SLC6A6: variants seen among roughly 807,000 people sequenced by gnomAD.
SLC6A6 encodes the protein sodium- and chloride-dependent taurine transporter.
In SLC6A6, 16 loss-of-function variants were observed where a neutral mutation model predicts 68.8. That is an observed-to-expected ratio of 0.23 (90% CI 0.16 to 0.35). The LOEUF is 0.35. Among genes scored for constraint, SLC6A6 ranks in the 10% least tolerant of loss-of-function variants. SLC6A6 has a pLI of 1.00. For synonymous variants in SLC6A6, 312 were observed against 315.4 expected (o/e 0.99, Z 0.12); for missense variants, 474 against 802.8 (o/e 0.59, Z 4.95).
At chr3:14,451,676 T>C (rs1700253876) in intron 5 of SLC6A6, among the ~76,000 whole-genome samples, 1 of 152,206 alleles carries the variant, frequency 6.6e-6, no homozygotes, top group Admixed American at 6.5e-5. Flanking sequence ...GCTGGATGTA[T>C]GCTGAGCACT....
rs745449156 is a variant in SLC6A6 at position 14,477,184 on chromosome 3, T to G, written c.1210-21T>G. ...GCCTGAGCGTCAGCCGCTCACCAGCTCTCTCTCTTCCCCTCCTCAGTTTGT... is the reference window on the plus strand; with the variant it reads ...GCCTGAGCGTCAGCCGCTCACCAGCGCTCTCTCTTCCCCTCCTCAGTTTGT... On this transcript the variant is annotated intron_variant, in intron 10 of 14. Transcript: ENST00000622186. This position sits in a 1 kb window ranked among gnomAD's most constrained non-coding sequence, Gnocchi z 4.2. 4 of 1,603,432 alleles carry G rather than the reference T, an allele frequency of 2.5e-6. No homozygotes were observed. The Admixed American group carries it at 6.7e-5, about 27-fold the overall frequency.
chr3:14,489,081 A>T lies in SLC6A6; in HGVS notation c.*4074A>T, dbSNP rs1005951510. The stretch of plus-strand genomic sequence containing the variant: ...TTTTTAAGATATTTTAAACTTTTAT[A>T]AAAAAAAAATCAACCAACAAGAGAC... On this transcript the variant is annotated 3_prime_UTR_variant, in exon 15 of 15. Coordinates refer to ENST00000622186, the MANE Select transcript of SLC6A6 (RefSeq NM_003043.6). 5 of 149,666 alleles carry T rather than the reference A, an allele frequency of 3.3e-5. No individual in the cohort carries two copies. The highest frequency in any genetic ancestry group is 6.7e-5 in the Admixed American group (1 of 14,988). The allele number at this position is 149,666 out of a possible 1,614,324, so 9.3% of individuals were successfully genotyped here.
chr3:14,454,517 C>G (rs1027813291), intron 5 of SLC6A6, among the ~76,000 whole-genome samples: 1 of 152,094 alleles, frequency 6.6e-6, no homozygotes, highest in East Asian at 1.9e-4. Context: ...AGGGGCCTGC[C>G]TGAGATTCAG....
chr3:14,404,108 C>T (rs1699050348), intron 1 of SLC6A6, among the ~76,000 whole-genome samples: 1 of 152,260 alleles, frequency 6.6e-6, no homozygotes, highest in South Asian at 2.1e-4. Context: ...TTGGACTTCA[C>T]TAAATTGGCC....
intron 2 of SLC6A6, among the ~76,000 whole-genome samples, chr3:14,441,105 T>G (rs1299550315): frequency 2.0e-5 from 3 of 152,078 alleles, no homozygotes; most frequent in African/African-American, 7.2e-5. Context: ...GTGTGGCAAG[T>G]GGGTCTGTGT....
At position 14,443,618 on chromosome 3, in the gene SLC6A6, C is replaced by T. The variant is rs761347120; in HGVS notation, c.-11-6C>T. 1.3e-6 allele frequency: 2 copies of T among 1,578,462 alleles called. No individual in the cohort carries two copies. The highest frequency in any genetic ancestry group is 2.2e-5 in the South Asian group (2 of 89,720). On this transcript the variant is annotated splice_region_variant and splice_polypyrimidine_tract_variant and intron_variant, in intron 2 of 14. Transcript: ENST00000622186. ...CTGCAGGATGCTTCTCTTTTGTCCC[C>T]CATAGAAAGCAAGGAGATGGCCACC...
chr3:14,410,269 A>G (rs1699219566), intron 1 of SLC6A6, among the ~76,000 whole-genome samples: 1 of 150,010 alleles, frequency 6.7e-6, no homozygotes, highest in African/African-American at 2.5e-5. Flanking sequence ...GCTTGTGTGA[A>G]CCCCCCCTTG....
At chr3:14,406,603 G>A (rs1389006652) in intron 1 of SLC6A6, among the ~76,000 whole-genome samples, 1 of 152,156 alleles carries the variant, frequency 6.6e-6, no homozygotes, top group Non-Finnish European at 1.5e-5. Flanking sequence ...TGACCTCCCT[G>A]GAGCACACAG....
chr3:14,449,539 G>A (rs532985250), intron 5 of SLC6A6, among the ~76,000 whole-genome samples: 26 of 152,270 alleles, frequency 1.7e-4, no homozygotes, highest in African/African-American at 5.5e-4. Flanking sequence ...CGTTTGCTGG[G>A]ACCTCCTTGC....
At chr3:14,430,775 C>T (rs973359645) in intron 2 of SLC6A6, among the ~76,000 whole-genome samples, 49 of 152,236 alleles carry the variant, frequency 3.2e-4, no homozygotes, top group Admixed American at 8.5e-4. Flanking sequence ...GGGAATGTCC[C>T]GCCCCTCCAC....
chr3:14,410,038 T>C (rs1699209482), intron 1 of SLC6A6, among the ~76,000 whole-genome samples: 1 of 151,806 alleles, frequency 6.6e-6, no homozygotes, highest in African/African-American at 2.4e-5. Flanking sequence ...ATACAAAAAT[T>C]AGTCAGGTGC....
chr3:14,439,252 C>G (rs945009720), intron 2 of SLC6A6, among the ~76,000 whole-genome samples: 1 of 152,220 alleles, frequency 6.6e-6, no homozygotes, highest in Non-Finnish European at 1.5e-5. Flanking sequence ...CTTCCTTTAT[C>G]TATAAACTAC....
chr3:14,455,889 A>T (rs1700356377), intron 5 of SLC6A6, among the ~76,000 whole-genome samples: 1 of 152,252 alleles, frequency 6.6e-6, no homozygotes, highest in Admixed American at 6.5e-5. Flanking sequence ...GTGCCAGGTG[A>T]TCCCAGCATA....
rs1411077628 is a variant in SLC6A6, at chr3:14,485,160, G to A, written c.*153G>A. On this transcript the variant is annotated 3_prime_UTR_variant, in exon 15 of 15. Coordinates refer to ENST00000622186, the MANE Select transcript of SLC6A6 (RefSeq NM_003043.6). ...TGTAATTGTGGGTATGTGTGCGTGC[G>A]TGTGTGTGTGTGTGTGTATCGTGTG... is the stretch of plus-strand genomic sequence containing the variant. The A allele has an allele frequency of 6.8e-5, 18 of 263,402 alleles. No homozygotes were observed. The highest frequency in any genetic ancestry group is 9.8e-5 in the Non-Finnish European group (15 of 153,622). The allele number at this position is 263,402 out of a possible 1,614,324, so 16.3% of individuals were successfully genotyped here.
intron 6 of SLC6A6, among the ~76,000 whole-genome samples, chr3:14,458,580 C>T (rs562737608): frequency 2.3e-4 from 35 of 152,344 alleles, no homozygotes; most frequent in African/African-American, 7.7e-4. Flanking sequence ...CAGGGAGCTT[C>T]GTGGGCCTGC....
intron 2 of SLC6A6, among the ~76,000 whole-genome samples, chr3:14,437,746 G>T (rs1449133999): frequency 2.6e-5 from 4 of 151,536 alleles, no homozygotes; most frequent in Non-Finnish European, 5.9e-5. Context: ...GAAATTTTGT[G>T]GTTTTTGACC....
chr3:14,405,695 G>A (rs1230506420), intron 1 of SLC6A6, among the ~76,000 whole-genome samples: 2 of 152,230 alleles, frequency 1.3e-5, no homozygotes, highest in Non-Finnish European at 2.9e-5. Flanking sequence ...TATGGGTTCT[G>A]GGCAGGAGCT....
chr3:14,417,191 A>G (rs1457054645), intron 2 of SLC6A6, among the ~76,000 whole-genome samples: 1 of 152,202 alleles, frequency 6.6e-6, no homozygotes, highest in Non-Finnish European at 1.5e-5. Flanking sequence ...TAATATAAAT[A>G]AAATTATAAA....
In SLC6A6 at chr3:14,404,590, T is replaced by C. The variant is rs929854036; in HGVS notation, c.-54+1743T>C. On this transcript the variant is annotated intron_variant, in intron 1 of 14. Coordinates refer to ENST00000622186, the MANE Select transcript of SLC6A6 (RefSeq NM_003043.6). ...GGAGCTTGTCCCCAGGGAACTGATT[T>C]AAGTCCTATGCTTTGTTTTAATGGG... Among the ~76,000 whole-genome samples, 7 of 152,224 alleles carry C rather than the reference T, an allele frequency of 4.6e-5. No individual in the cohort carries two copies. The East Asian group carries it at 1.3e-3, about 29-fold the overall frequency.
Sources: gnomAD v4.1 joint callset for allele counts (sites outside exome capture counted in the v4.1 genomes callset) on GRCh38, gnomAD v4.1.1 for gene constraint, Gnocchi (gnomAD v3.1) non-coding constraint, MANE v1.5 for transcripts, NCBI Gene and HGNC (gene_info 2026-07-23, HGNC 2026-07-21) for gene names.